Variants in PCDHGA5 observed in about 807,000 individuals in gnomAD.
PCDHGA5 encodes protocadherin gamma subfamily A, 5, also known as protocadherin gamma-A5.
In PCDHGA5, 36 loss-of-function variants were observed where a neutral mutation model predicts 56.7. The observed-to-expected ratio is 0.64, with a 90% CI of 0.49 to 0.84. PCDHGA5 has a LOEUF of 0.84. PCDHGA5 is among the 40% of genes least tolerant of loss of function. PCDHGA5 has a pLI of 0.00. For missense variants in PCDHGA5, 1,305 were observed against 1,201.5 expected (o/e 1.09, Z -1.27); for synonymous variants, 563 against 520.2 (o/e 1.08, Z -1.12).
intron 1 of PCDHGA5, chr5:141,408,161 C>T: frequency 2.0e-6 from 3 of 1,517,698 alleles, no homozygotes; most frequent in Non-Finnish European, 2.7e-6. Context: ...TGCACTTTCT[C>T]CAACTGGAAA....
At chr5:141,417,656 G>A (rs1561768422) in intron 1 of PCDHGA5, 1 of 854,026 alleles carries the variant, frequency 1.2e-6, no homozygotes, top group Non-Finnish European at 1.7e-6. Context: ...CCTCTAGCCT[G>A]GGATTCCCTG....
intron 1 of PCDHGA5, chr5:141,403,303 C>T (rs1561687273): frequency 1.9e-6 from 3 of 1,613,820 alleles, no homozygotes; most frequent in South Asian, 2.2e-5. Flanking sequence ...TGAAACTGTA[C>T]GGAATAGAAA....
chr5:141,425,371 G>T (rs1396857898), intron 1 of PCDHGA5, among the ~76,000 whole-genome samples: 3 of 152,186 alleles, frequency 2.0e-5, no homozygotes, highest in African/African-American at 7.2e-5. Context: ...AGAGGGTTAT[G>T]TTGATTCGGA....
chr5:141,485,278 C>T lies in PCDHGA5; in HGVS notation c.2422-9529C>T. On this transcript the variant is annotated intron_variant, in intron 1 of 3. Transcript: ENST00000518069. The surrounding 1 kb of genome is among the most constrained non-coding windows in gnomAD (Gnocchi z 5.7). ...TTTGTGGGCAGATCCGCTACCCGGTCCCAGAGGAGTCACAGGAAGGGACTT... is the reference window on the plus strand; with the variant it reads ...TTTGTGGGCAGATCCGCTACCCGGTTCCAGAGGAGTCACAGGAAGGGACTT... 1 of 1,614,064 alleles carries T rather than the reference C, an allele frequency of 6.2e-7. No homozygotes were observed. The highest frequency in any genetic ancestry group is 1.1e-5 in the South Asian group (1 of 91,080).
intron 2 of PCDHGA5, among the ~76,000 whole-genome samples, chr5:141,504,369 A>G (rs968327872): frequency 6.6e-5 from 10 of 152,272 alleles, no homozygotes; most frequent in Non-Finnish European, 1.2e-4. Context: ...AGTAGGAAGC[A>G]GGTGGAGTCG....
chr5:141,429,073 C>CTCGATT (rs1202357717), intron 1 of PCDHGA5: 1 of 152,116 alleles, frequency 6.6e-6, no homozygotes, highest in African/African-American at 2.4e-5. Context: ...CCAGGATGGT[C>CTCGATT]TCGATTTCCT....
chr5:141,480,250 A>T (rs2099515553), intron 1 of PCDHGA5, among the ~76,000 whole-genome samples: 2 of 151,988 alleles, frequency 1.3e-5, no homozygotes, highest in African/African-American at 4.8e-5. Context: ...CAAAAAAAAA[A>T]AAAAATGTGT....
Position 141,494,830 on chromosome 5 carries a change from G to C in PCDHGA5, c.2445G>C (p.Trp815Cys), listed in dbSNP as rs2099757104. Residue 815 changes from tryptophan (W) to cysteine (C), a missense_variant, in exon 2 of 4, where the codon TGG (tryptophan) becomes TGC (cysteine). Coordinates refer to ENST00000518069, the MANE Select transcript of PCDHGA5 (RefSeq NM_018918.3). ...AGCAAGCCCCGCCCAACACGGACTG[G>C]CGTTTCTCTCAGGCCCAGAGACCCG... The part of the protein sequence containing the change: ...RVQQAPPNTD[W>C]RFSQAQRPGT... 6.2e-7 allele frequency: 1 copy of C among 1,614,098 alleles called. No homozygotes were observed. The highest frequency in any genetic ancestry group is 2.2e-5 in the East Asian group (1 of 44,862).
intron 1 of PCDHGA5, among the ~76,000 whole-genome samples, chr5:141,381,246 A>G (rs2150176708): frequency 6.6e-6 from 1 of 152,374 alleles, no homozygotes; most frequent in Non-Finnish European, 1.5e-5. Context: ...TCCAGGACCT[A>G]GAAGAATTTA....
Position 141,491,755 on chromosome 5 carries a change from G to T in PCDHGA5, c.2422-3052G>T, listed in dbSNP as rs1402188587. 3 of 1,582,078 alleles carry T rather than the reference G, an allele frequency of 1.9e-6. No individual in the cohort carries two copies. Among genetic ancestry groups the T allele is most frequent in the Non-Finnish European group, 2.6e-6 (3 of 1,165,458 alleles). On this transcript the variant is annotated intron_variant, in intron 1 of 3. Coordinates refer to ENST00000518069, the MANE Select transcript of PCDHGA5 (RefSeq NM_018918.3). This position sits in a 1 kb window ranked among gnomAD's most constrained non-coding sequence, Gnocchi z 6.9. ...CCCTGGGGGCGGCACTGGAGAAGCC[G>T]CCCGTCCTCATAAGGGATTGAACTT...
rs2099687792 is a variant in PCDHGA5, at chr5:141,489,485, G to GT, written c.2422-5321dup. Reference sequence around the variant, plus strand: ...TATTTTTCCCTGAGCTTGATGAGTGGTGCCCTGGCAGTGAATCAAAAGATT... The same window carrying GT: ...TATTTTTCCCTGAGCTTGATGAGTGGTTGCCCTGGCAGTGAATCAAAAGATT... On this transcript the variant is annotated intron_variant, in intron 1 of 3. Coordinates refer to ENST00000518069, the MANE Select transcript of PCDHGA5 (RefSeq NM_018918.3). This position sits in a 1 kb window ranked among gnomAD's most constrained non-coding sequence, Gnocchi z 4.5. The GT allele has an allele frequency of 6.2e-7, 1 of 1,614,088 alleles. No individual in the cohort carries two copies. The highest frequency in any genetic ancestry group is 2.2e-5 in the East Asian group (1 of 44,868).
chr5:141,370,835 C>G, intron 1 of PCDHGA5: 1 of 1,613,964 alleles, frequency 6.2e-7, no homozygotes, highest in East Asian at 2.2e-5. Flanking sequence ...AACTGGCTCT[C>G]ACTGGAGCCA....
chr5:141,398,383 G>C, intron 1 of PCDHGA5: 4 of 1,451,918 alleles, frequency 2.8e-6, no homozygotes, highest in Non-Finnish European at 2.9e-6. Context: ...GGAGTTGCTT[G>C]TGAGCAGCAG....
chr5:141,413,723 C>G, intron 1 of PCDHGA5: 1 of 1,613,552 alleles, frequency 6.2e-7, no homozygotes, highest in Non-Finnish European at 8.5e-7. Context: ...AAGCACTTCT[C>G]CCTAAGAGTT....
intron 1 of PCDHGA5, among the ~76,000 whole-genome samples, chr5:141,451,284 G>C (rs950768919): frequency 2.6e-5 from 4 of 152,186 alleles, no homozygotes; most frequent in African/African-American, 9.7e-5. Flanking sequence ...GAGTGCCTCT[G>C]CCTCAAAGTC....
intron 1 of PCDHGA5, chr5:141,393,436 A>G: frequency 1.2e-6 from 2 of 1,614,028 alleles, no homozygotes; most frequent in Middle Eastern, 1.6e-4. Flanking sequence ...GAGGCTGCTC[A>G]CCACCTGGTC....
Position 141,366,924 on chromosome 5 carries a change from G to C in PCDHGA5, c.2421+173G>C, listed in dbSNP as rs1764867617. On this transcript the variant is annotated intron_variant, in intron 1 of 3. Coordinates refer to ENST00000518069, the MANE Select transcript of PCDHGA5 (RefSeq NM_018918.3). ...CTTTCTCCATTTGTTTTCAAATTCT[G>C]TTTTGGGAAGTCTAGCTGATATCTG... is the stretch of plus-strand genomic sequence containing the variant. 5 of 997,638 alleles carry C rather than the reference G, an allele frequency of 5.0e-6. No homozygotes were observed. In the East Asian group the frequency reaches 1.3e-4, roughly 27 times the overall value. 61.8% of individuals were successfully genotyped at this position (997,638 alleles called of 1,614,324 possible).
At chr5:141,413,867 T>TTG in intron 1 of PCDHGA5, 1 of 1,613,428 alleles carries the variant, frequency 6.2e-7, no homozygotes, top group Non-Finnish European at 8.5e-7. Flanking sequence ...GGCACTGTCC[T>TTG]TGTCAGTGTG....
intron 3 of PCDHGA5, among the ~76,000 whole-genome samples, chr5:141,509,069 G>A (rs1463164307): frequency 2.6e-5 from 4 of 152,174 alleles, no homozygotes; most frequent in African/African-American, 9.7e-5. Context: ...CTCAGCTCCG[G>A]GGATTTGCGA....
Sources: gnomAD v4.1 joint callset for allele counts (sites outside exome capture counted in the v4.1 genomes callset) on GRCh38, gnomAD v4.1.1 for gene constraint, Gnocchi (gnomAD v3.1) non-coding constraint, MANE v1.5 for transcripts, NCBI Gene and HGNC (gene_info 2026-07-23, HGNC 2026-07-21) for gene names.